Variants in EPS15L1 observed in about 807,000 individuals in gnomAD.
EPS15L1 encodes the protein epidermal growth factor receptor substrate 15-like 1.
Under a neutral mutation model 117.1 loss-of-function variants are expected in EPS15L1, and 43 were observed. The ratio of observed to expected loss-of-function variants is 0.37; its 90% CI spans 0.29 to 0.47. EPS15L1 has a LOEUF of 0.47. Ranked by LOEUF, EPS15L1 falls within the 20% of genes least tolerant of loss-of-function variation. EPS15L1 has a pLI of 0.99. For missense variants in EPS15L1, 981 were observed against 1,164.0 expected, an observed-to-expected ratio of 0.84 and a Z score of 2.29; for synonymous variants, 459 against 470.5, an observed-to-expected ratio of 0.98 and a Z score of 0.32.
At position 16,381,827 on chromosome 19, in the gene EPS15L1, C is replaced by G. The variant is rs368268891; in HGVS notation, c.2247+3302G>C. Among the ~76,000 whole-genome samples, 1 of 152,212 alleles carries G rather than the reference C, an allele frequency of 6.6e-6. No individual in the cohort carries two copies. The highest frequency in any genetic ancestry group is 1.5e-5 in the Non-Finnish European group (1 of 68,028). ...GGAACATGTCCCTGGGCCTAGGGCC[C>G]GTGCGAGTCCCCCGCGGCCTGGGAT... On this transcript the variant is annotated intron_variant, in intron 21 of 23. Transcript: ENST00000455140. The surrounding 1 kb of genome is among the most constrained non-coding windows in gnomAD (Gnocchi z 4.2).
At chr19:16,403,416 G>A (rs2092622467) in intron 15 of EPS15L1, among the ~76,000 whole-genome samples, 1 of 152,162 alleles carries the variant, frequency 6.6e-6, no homozygotes, top group South Asian at 2.1e-4. Flanking sequence ...GTTTGTGTGA[G>A]GACCAGGCTG....
At chr19:16,471,995 C>T (rs1287392785), upstream of EPS15L1, 1 of 1,241,142 alleles carries the variant, frequency 8.1e-7, no homozygotes, top group Non-Finnish European at 1.0e-6. This position sits in a 1 kb window ranked among gnomAD's most constrained non-coding sequence, Gnocchi z 4.8. Context: ...GGCGGGGCTG[C>T]AGCCACGCGT....
intron 21 of EPS15L1, among the ~76,000 whole-genome samples, chr19:16,377,532 T>A (rs756418565): frequency 1.3e-5 from 2 of 151,960 alleles, no homozygotes; most frequent in Non-Finnish European, 2.9e-5. Flanking sequence ...ACCAAGGGCA[T>A]CCCCAGTCAC....
chr19:16,416,631 T>C (rs1027846414), intron 12 of EPS15L1, among the ~76,000 whole-genome samples: 3 of 147,990 alleles, frequency 2.0e-5, no homozygotes, highest in Non-Finnish European at 1.5e-5. Context: ...AATGAGACTC[T>C]GTCTCAAATT....
chr19:16,418,383 A>G (rs2092781318), intron 10 of EPS15L1, among the ~76,000 whole-genome samples: 2 of 152,174 alleles, frequency 1.3e-5, no homozygotes, highest in African/African-American at 4.8e-5. Context: ...AAACCTCACT[A>G]GGGCTGAGAT....
At position 16,381,439 on chromosome 19, in the gene EPS15L1, C is replaced by A. The variant is rs576254387; in HGVS notation, c.2247+3690G>T. 2.0e-3 allele frequency among the ~76,000 whole-genome samples: 300 copies of A among 152,356 alleles called. 1 individual carries two copies. The highest frequency in any genetic ancestry group is 2.9e-3 in the Non-Finnish European group (195 of 68,028). On this transcript the variant is annotated intron_variant, in intron 21 of 23. Coordinates refer to ENST00000455140, the MANE Select transcript of EPS15L1 (RefSeq NM_001258374.3). This position sits in a 1 kb window ranked among gnomAD's most constrained non-coding sequence, Gnocchi z 4.2. The stretch of plus-strand genomic sequence containing the variant: ...TGTCCTGCCCAGGCTGGAACCCCAA[C>A]CCTGCCACCTACTCAACACCCTGTG...
rs1345395980 is a variant in EPS15L1 at position 16,436,857 on chromosome 19, T to C, written c.372+80A>G. The stretch of plus-strand genomic sequence containing the variant: ...CTGAACAACATCAAACTAGAACAAT[T>C]CCAGAACAATTCTAGAACAACTGCT... On this transcript the variant is annotated intron_variant, in intron 6 of 23. Transcript: ENST00000455140. The C allele has an allele frequency of 7.6e-6, 9 of 1,191,544 alleles. No homozygotes were observed. The Admixed American group carries it at 1.6e-4, about 21-fold the overall frequency. The allele number at this position is 1,191,544 out of a possible 1,614,324, so 73.8% of individuals were successfully genotyped here.
intron 7 of EPS15L1, 149 bp downstream of exon 7, chr19:16,434,215 TG>T: frequency 1.9e-6 from 2 of 1,070,298 alleles, no homozygotes; most frequent in African/African-American, 3.2e-5. Context: ...CAGCTGGGGC[TG>T]GACCCACAGG....
intron 9 of EPS15L1, among the ~76,000 whole-genome samples, chr19:16,422,786 C>T (rs192642193): frequency 1.3e-5 from 2 of 152,160 alleles, no homozygotes; most frequent in Non-Finnish European, 2.9e-5. Flanking sequence ...GTGAAACCCC[C>T]TCTCTACTAA....
At chr19:16,390,398 T>C (rs1442799375) in intron 19 of EPS15L1, among the ~76,000 whole-genome samples, 1 of 152,140 alleles carries the variant, frequency 6.6e-6, no homozygotes, top group African/African-American at 2.4e-5. Flanking sequence ...GTATGAACAA[T>C]TCCACAATCA....
Position 16,371,463 on chromosome 19 carries a change from G to A in EPS15L1, c.2380+5659C>T, listed in dbSNP as rs771300986. ...ACTTAGGTAAAAGCTGTTCGTTAGT[G>A]CAACTGTGGGGAGGGGGCGAAAAGA... is the stretch of plus-strand genomic sequence containing the variant. On this transcript the variant is annotated intron_variant, in intron 22 of 23. Coordinates refer to ENST00000455140, the MANE Select transcript of EPS15L1 (RefSeq NM_001258374.3). The surrounding 1 kb of genome is among the most constrained non-coding windows in gnomAD (Gnocchi z 4.7). 2.2e-4 allele frequency among the ~76,000 whole-genome samples: 33 copies of A among 152,218 alleles called. No homozygotes were observed. The highest frequency in any genetic ancestry group is 2.4e-4 in the Non-Finnish European group (16 of 68,042).
intron 18 of EPS15L1, among the ~76,000 whole-genome samples, chr19:16,393,656 A>AT (rs1295798653): frequency 3.3e-5 from 5 of 150,014 alleles, no homozygotes; most frequent in African/African-American, 9.7e-5. Context: ...CTCAAAAAAA[A>AT]AAAAAATAAA....
chr19:16,467,413 G>A (rs910804490), intron 1 of EPS15L1, among the ~76,000 whole-genome samples: 2 of 152,030 alleles, frequency 1.3e-5, no homozygotes, highest in Non-Finnish European at 2.9e-5. Flanking sequence ...GCCTCCCAAA[G>A]TGCTAGGATT....
At chr19:16,416,230 TC>T (rs2092756073) in intron 12 of EPS15L1, among the ~76,000 whole-genome samples, 1 of 152,070 alleles carries the variant, frequency 6.6e-6, no homozygotes, top group African/African-American at 2.4e-5. Context: ...CAAAGCCCTT[TC>T]CATTTTCAGC....
chr19:16,445,578 A>C (rs1259032313), intron 1 of EPS15L1, among the ~76,000 whole-genome samples: 1 of 152,206 alleles, frequency 6.6e-6, no homozygotes, highest in Admixed American at 6.5e-5. Context: ...ATTGCGACAG[A>C]ACTGAAGACA....
chr19:16,404,476 G>T lies in EPS15L1; in HGVS notation c.1428+112C>A. 1 of 1,232,826 alleles carries T rather than the reference G, an allele frequency of 8.1e-7. No individual in the cohort carries two copies. Among genetic ancestry groups the T allele is most frequent in the Non-Finnish European group, 1.1e-6 (1 of 879,310 alleles). 76.4% of individuals were successfully genotyped at this position (1,232,826 alleles called of 1,614,324 possible). ...ACGTGGTGTTTGGAGGAACTCTATT[G>T]ACCCAGTAGGATGTCTAAGTGTTGT... On this transcript the variant is annotated intron_variant, in intron 14 of 23. Transcript: ENST00000455140. The surrounding 1 kb of genome is among the most constrained non-coding windows in gnomAD (Gnocchi z 4.2).
intron 20 of EPS15L1, among the ~76,000 whole-genome samples, chr19:16,385,566 G>A (rs2092411685): frequency 6.6e-6 from 1 of 152,208 alleles, no homozygotes; most frequent in Non-Finnish European, 1.5e-5. Context: ...TTTATACAGG[G>A]TGGTGTCTTT....
intron 11 of EPS15L1, 93 bp from the exon 12 acceptor site, chr19:16,417,730 G>A: frequency 1.6e-6 from 2 of 1,219,400 alleles, no homozygotes; most frequent in Non-Finnish European, 2.4e-6. Context: ...GGATAAAATT[G>A]TCCCTTTAGT....
At chr19:16,388,597 G>A (rs1473684176) in intron 19 of EPS15L1, among the ~76,000 whole-genome samples, 6 of 152,102 alleles carry the variant, frequency 3.9e-5, no homozygotes, top group Non-Finnish European at 8.8e-5. Context: ...GGAGGCCAAG[G>A]CAGGCAGATC....
Sources: gnomAD v4.1 joint callset for allele counts (sites outside exome capture counted in the v4.1 genomes callset) on GRCh38, gnomAD v4.1.1 for gene constraint, Gnocchi (gnomAD v3.1) non-coding constraint, MANE v1.5 for transcripts, NCBI Gene and HGNC (gene_info 2026-07-23, HGNC 2026-07-21) for gene names.